Variants in OTOP1 observed in about 807,000 individuals in gnomAD.
OTOP1 encodes proton channel OTOP1.
Under a neutral mutation model 52.9 loss-of-function variants are expected in OTOP1, and 59 were observed. That is an observed-to-expected ratio of 1.12 (90% confidence interval 0.91 to 1.39). The LOEUF is 1.39. Among genes scored for constraint, OTOP1 ranks in the 40% most tolerant of loss-of-function variants. The pLI, the probability that OTOP1 is intolerant of heterozygous loss-of-function variation, is 0.00. For missense variants in OTOP1, 761 were observed against 800.9 expected (o/e 0.95, Z 0.60); for synonymous variants, 317 against 337.7 (o/e 0.94, Z 0.67).
rs537569170 is a variant in OTOP1, at chr4:4,197,954, G to A, written c.880C>T (p.Arg294Cys). The part of the protein sequence containing the change: ...MLYVLWKNIG[R>C]KVDSHQHQKM... ...TGGTGCTGATGGCTGTCAACTTTGC[G>A]CCCGATGTTCTTCCACAGGACGTAG... Residue 294 changes from arginine (R) to cysteine (C), a missense_variant, in exon 5 of 6, where the codon CGC becomes TGC. By Grantham distance (180) the Arg-to-Cys change is radical (BLOSUM62 -3). Around this residue, in one of 3 missense-constraint regions of OTOP1, gnomAD observed 632 missense variants for 619.5 expected, o/e 1.02. Coordinates refer to ENST00000296358, the MANE Select transcript of OTOP1 (RefSeq NM_177998.3). 5.1e-5 allele frequency: 83 copies of A among 1,613,928 alleles called. No homozygotes were observed. The highest frequency in any genetic ancestry group is 1.6e-4 in the East Asian group (7 of 44,886).
intron 5 of OTOP1, among the ~76,000 whole-genome samples, chr4:4,191,514 C>T (rs1385077657): frequency 7.2e-5 from 11 of 152,212 alleles, no homozygotes; most frequent in African/African-American, 1.7e-4. Flanking sequence ...CCACATGGCA[C>T]GCAGCCCTTC....
chr4:4,192,633 T>C (rs1716537556), intron 5 of OTOP1, among the ~76,000 whole-genome samples: 1 of 152,130 alleles, frequency 6.6e-6, no homozygotes, highest in South Asian at 2.1e-4. Context: ...GCTCCCAAGG[T>C]TGCCCCTCCT....
intron 1 of OTOP1, 125 bp from the exon 2 acceptor site, chr4:4,213,129 G>A: frequency 8.0e-7 from 1 of 1,248,734 alleles, no homozygotes; most frequent in South Asian, 1.6e-5. Context: ...TTTTTCACAA[G>A]GGTGCCGAGA....
intron 5 of OTOP1, among the ~76,000 whole-genome samples, chr4:4,195,228 G>T (rs141299541): frequency 2.4e-3 from 361 of 152,270 alleles, no homozygotes; most frequent in Non-Finnish European, 4.3e-3. Context: ...CAAACTACTT[G>T]GTGCTCCCAA....
rs1339732433 is a variant in OTOP1 at position 4,226,913 on chromosome 4, G to T, written c.-49C>A. On this transcript the variant is annotated 5_prime_UTR_variant, in exon 1 of 6. Coordinates refer to ENST00000296358, the MANE Select transcript of OTOP1 (RefSeq NM_177998.3). ...TGGTCCCGGGGGTGGCTGCCGTCGG[G>T]CCCCGCCTGCGCTCCTGGCTCCTGT... is the stretch of plus-strand genomic sequence containing the variant. 3.1e-6 allele frequency: 4 copies of T among 1,291,468 alleles called. No homozygotes were observed. The highest frequency in any genetic ancestry group is 3.9e-6 in the Non-Finnish European group (4 of 1,022,492). 80.0% of individuals were successfully genotyped at this position (1,291,468 alleles called of 1,614,324 possible). A position where few individuals can be genotyped will look rare whatever the true frequency, so the allele number is the denominator to read the frequency against.
chr4:4,207,926 G>A (rs1041587283), intron 2 of OTOP1, among the ~76,000 whole-genome samples: 17 of 152,156 alleles, frequency 1.1e-4, no homozygotes, highest in African/African-American at 2.9e-4. Flanking sequence ...TTTTTATAAA[G>A]GTATGGGTAG....
At chr4:4,213,065 C>T in intron 1 of OTOP1, 61 bp from the exon 2 acceptor site, 2 of 1,563,386 alleles carry the variant, frequency 1.3e-6, no homozygotes, top group Non-Finnish European at 1.8e-6. Context: ...ACATTGATGT[C>T]ATTTCAAAAT....
chr4:4,219,836 C>CATAT (rs71169624), intron 1 of OTOP1, among the ~76,000 whole-genome samples: 27 of 141,232 alleles, frequency 1.9e-4, no homozygotes, highest in South Asian at 4.4e-4. Context: ...TATGTGTATA[C>CATAT]ATATATATAC....
At chr4:4,212,504 G>A (rs1391997655) in intron 2 of OTOP1, among the ~76,000 whole-genome samples, 1 of 152,148 alleles carries the variant, frequency 6.6e-6, no homozygotes, top group East Asian at 1.9e-4. Flanking sequence ...CCACTGAATT[G>A]CACACGTTAA....
At chr4:4,203,389 T>C (rs1429076071) in intron 3 of OTOP1, among the ~76,000 whole-genome samples, 1 of 152,146 alleles carries the variant, frequency 6.6e-6, no homozygotes, top group Admixed American at 6.6e-5. Flanking sequence ...GAGATCCAGA[T>C]AGACTCAAGA....
Position 4,202,453 on chromosome 4 carries a change from G to A in OTOP1, c.725C>T (p.Thr242Ile). 5.6e-6 allele frequency: 9 copies of A among 1,613,744 alleles called. No individual in the cohort carries two copies. Among genetic ancestry groups the A allele is most frequent in the Non-Finnish European group, 7.6e-6 (9 of 1,179,782 alleles). ...TCACCTCTCTCACCACTCACCTGTT[G>A]TTATGTTCCCAAAACCCAGAGTGAT... Reference protein sequence around the residue: ...RLITLGFGNITTVLDDHTPQC... With the variant: ...RLITLGFGNIITVLDDHTPQC... The change falls in exon 4 of 6, where the codon ACA (threonine) becomes ATA (isoleucine). Residue 242 changes from threonine to isoleucine, a missense_variant. By Grantham distance (89) the Thr-to-Ile change is moderately conservative. Coordinates refer to ENST00000296358, the MANE Select transcript of OTOP1 (RefSeq NM_177998.3).
chr4:4,202,347 T>C, intron 4 of OTOP1, 101 bp downstream of exon 4: 1 of 1,547,082 alleles, frequency 6.5e-7, no homozygotes, highest in Non-Finnish European at 8.8e-7. Context: ...GGCCCTGCAG[T>C]TCTTTGGAAC....
chr4:4,198,630 A>G (rs1254015939), intron 4 of OTOP1, among the ~76,000 whole-genome samples: 1 of 152,172 alleles, frequency 6.6e-6, no homozygotes, highest in Non-Finnish European at 1.5e-5. Context: ...TTAGCAAAAG[A>G]TGTGCCTCTT....
chr4:4,209,813 C>T (rs1042602749), intron 2 of OTOP1, among the ~76,000 whole-genome samples: 4 of 152,280 alleles, frequency 2.6e-5, no homozygotes, highest in South Asian at 4.1e-4. Context: ...GCTTACAAGC[C>T]GTACACCAAA....
chr4:4,193,703 A>G (rs1299313164), intron 5 of OTOP1, among the ~76,000 whole-genome samples: 1 of 151,974 alleles, frequency 6.6e-6, no homozygotes, highest in Non-Finnish European at 1.5e-5. Flanking sequence ...GATGAAGCCC[A>G]CCCTTCTCCT....
At chr4:4,195,488 G>A (rs1295807020) in intron 5 of OTOP1, among the ~76,000 whole-genome samples, 1 of 152,282 alleles carries the variant, frequency 6.6e-6, no homozygotes, top group East Asian at 1.9e-4. Context: ...CCTGGCACCA[G>A]CCCTTCCCCA....
intron 2 of OTOP1, among the ~76,000 whole-genome samples, chr4:4,212,077 ATGTTG>A (rs1717038645): frequency 6.6e-6 from 1 of 152,202 alleles, no homozygotes; most frequent in South Asian, 2.1e-4. Flanking sequence ...TCAAAGAATC[ATGTTG>A]TATATCTTAA....
chr4:4,191,029 C>T (rs952712140), intron 5 of OTOP1, among the ~76,000 whole-genome samples: 2 of 152,170 alleles, frequency 1.3e-5, no homozygotes, highest in African/African-American at 4.8e-5. Context: ...TCATAGTTTC[C>T]GGTGGCAACT....
At chr4:4,202,796 T>C (rs1244919318) in intron 3 of OTOP1, among the ~76,000 whole-genome samples, 1 of 152,250 alleles carries the variant, frequency 6.6e-6, no homozygotes, top group Non-Finnish European at 1.5e-5. Context: ...AGCCGTAGTC[T>C]TGAACTTGCC....
Sources: allele counts gnomAD v4.1 joint callset (sites outside exome capture counted in the v4.1 genomes callset), GRCh38; gene constraint gnomAD v4.1.1; regional missense constraint gnomAD v4.1.1; transcripts MANE v1.5; gene names NCBI Gene and HGNC (gene_info 2026-07-23, HGNC 2026-07-21).